ARB2A: variants seen among roughly 807,000 people sequenced by gnomAD.
The protein encoded by ARB2A is cotranscriptional regulator ARB2A.
chr5:93,688,919 C>T, the ARB2A span, among the ~76,000 whole-genome samples: 1 of 152,184 alleles, frequency 6.6e-6, no homozygotes, highest in African/African-American at 2.4e-5. Context: ...TTTAACCAGC[C>T]TTGCTTTTAG....
chr5:93,790,413 C>G, the ARB2A span, among the ~76,000 whole-genome samples: 1 of 152,180 alleles, frequency 6.6e-6, no homozygotes, highest in African/African-American at 2.4e-5. Context: ...AAAAAAGGCA[C>G]AGGCCTGCAA....
At chr5:93,935,572 G>A in the ARB2A span, among the ~76,000 whole-genome samples, 1 of 152,138 alleles carries the variant, frequency 6.6e-6, no homozygotes, top group African/African-American at 2.4e-5. Flanking sequence ...TGGAGAGGTG[G>A]GCAGGGGCCA....
the ARB2A span, among the ~76,000 whole-genome samples, chr5:93,691,150 G>C: frequency 6.6e-6 from 1 of 151,926 alleles, no homozygotes; most frequent in East Asian, 1.9e-4. Flanking sequence ...TGGCCAGCAA[G>C]GGAACAAAAC....
At chr5:93,782,747 C>T in the ARB2A span, among the ~76,000 whole-genome samples, 1 of 152,094 alleles carries the variant, frequency 6.6e-6, no homozygotes, top group South Asian at 2.1e-4. Flanking sequence ...AATTGAATCT[C>T]AAAGAGATAA....
the ARB2A span, among the ~76,000 whole-genome samples, chr5:94,110,742 G>A: frequency 6.6e-6 from 1 of 152,112 alleles, no homozygotes; most frequent in Non-Finnish European, 1.5e-5. Context: ...TTAAAAAATC[G>A]CACTGATATT....
At chr5:93,628,499 G>A in the ARB2A span, among the ~76,000 whole-genome samples, 1 of 152,152 alleles carries the variant, frequency 6.6e-6, no homozygotes, top group Admixed American at 6.5e-5. Context: ...ATCCTCTCTA[G>A]CTGTGAAAGT....
At chr5:93,631,336 GT>G in the ARB2A span, among the ~76,000 whole-genome samples, 48 of 152,300 alleles carry the variant, frequency 3.2e-4, no homozygotes, top group African/African-American at 1.1e-3. Context: ...ATAGACAGCT[GT>G]TATAGAAATG....
the ARB2A span, among the ~76,000 whole-genome samples, chr5:93,956,584 T>A: frequency 2.0e-5 from 3 of 151,992 alleles, no homozygotes; most frequent in Admixed American, 6.6e-5. Context: ...GACCAGAGGT[T>A]CTAACTTCTG....
the ARB2A span, among the ~76,000 whole-genome samples, chr5:93,998,932 T>C: frequency 6.6e-6 from 1 of 152,178 alleles, no homozygotes; most frequent in South Asian, 2.1e-4. Flanking sequence ...ATTATTCTTT[T>C]CTTAGACAGG....
the ARB2A span, among the ~76,000 whole-genome samples, chr5:94,004,882 T>C: frequency 2.0e-5 from 3 of 150,836 alleles, no homozygotes; most frequent in Admixed American, 6.6e-5. Context: ...ACAAAGCTTA[T>C]CTAATAAACA....
At chr5:94,050,219 T>C in the ARB2A span, among the ~76,000 whole-genome samples, 4 of 151,796 alleles carry the variant, frequency 2.6e-5, no homozygotes, top group Non-Finnish European at 5.9e-5. Context: ...GGATTATAGG[T>C]GTGAGCCACC....
At chr5:93,831,392 T>C in the ARB2A span, among the ~76,000 whole-genome samples, 1 of 152,222 alleles carries the variant, frequency 6.6e-6, no homozygotes. Flanking sequence ...ACTATCTTTC[T>C]AGCTTTCCCT....
chr5:94,028,073 A>C, the ARB2A span, among the ~76,000 whole-genome samples: 2 of 152,232 alleles, frequency 1.3e-5, no homozygotes, highest in African/African-American at 4.8e-5. Context: ...TGTAAAAGCA[A>C]AGAAAAAACA....
the ARB2A span, among the ~76,000 whole-genome samples, chr5:93,959,207 T>C: frequency 1.3e-5 from 2 of 151,992 alleles, no homozygotes; most frequent in African/African-American, 2.4e-5. Context: ...ATTGGTAATA[T>C]GTTTCTCTTC....
chr5:94,076,861 C>T, the ARB2A span, among the ~76,000 whole-genome samples: 25 of 152,082 alleles, frequency 1.6e-4, no homozygotes, highest in Middle Eastern at 3.4e-3. Flanking sequence ...CCAAATTGTC[C>T]GATTTCTGAA....
At chr5:93,853,856 T>A in the ARB2A span, among the ~76,000 whole-genome samples, 1 of 152,234 alleles carries the variant, frequency 6.6e-6, no homozygotes, top group Non-Finnish European at 1.5e-5. Context: ...TGGATTCAGT[T>A]TGCCAGTATT....
At chr5:93,816,947 C>T in the ARB2A span, among the ~76,000 whole-genome samples, 1 of 151,884 alleles carries the variant, frequency 6.6e-6, no homozygotes, top group Non-Finnish European at 1.5e-5. Flanking sequence ...GAGGTTCTAG[C>T]CAGGGGAATT....
the ARB2A span, chr5:93,621,042 G>C: frequency 6.2e-7 from 1 of 1,611,948 alleles, no homozygotes; most frequent in South Asian, 1.1e-5. Context: ...CGGCTTCAGG[G>C]AGCTGGTCTT....
the ARB2A span, chr5:93,824,212 T>A: frequency 6.3e-7 from 1 of 1,593,980 alleles, no homozygotes; most frequent in South Asian, 1.1e-5. Context: ...AGCAGCAGCC[T>A]GAGCTATGAA....
Sources: allele counts gnomAD v4.1 joint callset (sites outside exome capture counted in the v4.1 genomes callset), GRCh38; gene constraint gnomAD v4.1.1; transcripts MANE v1.5; gene names NCBI Gene and HGNC (gene_info 2026-07-23, HGNC 2026-07-21).